Variants in WDR17 observed in about 807,000 individuals in gnomAD.
WDR17 encodes WD repeat-containing protein 17.
A neutral mutation model predicts 161.7 loss-of-function variants in WDR17; 143 were observed. The ratio of observed to expected loss-of-function variants is 0.88; its 90% CI spans 0.77 to 1.02. The LOEUF (loss-of-function observed/expected upper bound fraction) is 1.02. Among genes scored for constraint, WDR17 ranks in the 50% least tolerant of loss-of-function variants. The pLI, the probability that WDR17 is intolerant of heterozygous loss-of-function variation, is 0.00. For synonymous variants in WDR17, 517 were observed against 515.6 expected (o/e 1.00, Z -0.04); for missense variants, 1,469 against 1,520.9 (o/e 0.97, Z 0.57).
chr4:176,078,974 C>T (rs866293657), intron 1 of WDR17, among the ~76,000 whole-genome samples: 16 of 151,882 alleles, frequency 1.1e-4, no homozygotes, highest in African/African-American at 3.6e-4. Flanking sequence ...GATCTTATTC[C>T]TTCTATATAG....
At chr4:176,152,503 G>A (rs1410455991) in intron 17 of WDR17, among the ~76,000 whole-genome samples, 1 of 146,140 alleles carries the variant, frequency 6.8e-6, no homozygotes, top group Non-Finnish European at 1.5e-5. Context: ...CTACTTGGGA[G>A]GCTGAGGCAG....
intron 18 of WDR17, among the ~76,000 whole-genome samples, chr4:176,157,879 T>C (rs145001367): frequency 4.3e-4 from 66 of 152,238 alleles, no homozygotes; most frequent in African/African-American, 1.4e-3. Context: ...TGAACTGAGC[T>C]ATAAAGAATA....
intron 1 of WDR17, among the ~76,000 whole-genome samples, chr4:176,088,523 G>A (rs2126618259): frequency 6.6e-6 from 1 of 152,282 alleles, no homozygotes; most frequent in East Asian, 1.9e-4. Flanking sequence ...TCTGATCAAA[G>A]TATGAAATAC....
intron 1 of WDR17, among the ~76,000 whole-genome samples, chr4:176,097,666 A>G (rs1474739351): frequency 6.6e-6 from 1 of 151,426 alleles, no homozygotes; most frequent in Non-Finnish European, 1.5e-5. Flanking sequence ...TTCAGGTATA[A>G]ATGATGGAAA....
chr4:176,115,835 A>T lies in WDR17; in HGVS notation c.163A>T (p.Met55Leu), dbSNP rs370495559. Residue 55 changes from methionine (M) to leucine (L), a missense_variant, in exon 3 of 29, where the codon ATG becomes TTG. Met to Leu is a conservative substitution (Grantham distance 15). Coordinates refer to ENST00000508596, the MANE Select transcript of WDR17 (RefSeq NM_181265.4). ...TAATGAATTCAAACTTCACGCAATT[A>T]TGTCTGAACATAAAAAAACAATCAC... ...RYNEFKLHAIMSEHKKTITAI... is the reference protein window; with the variant it reads ...RYNEFKLHAILSEHKKTITAI... 6 of 1,609,978 alleles carry T rather than the reference A, an allele frequency of 3.7e-6. No homozygotes were observed. Among genetic ancestry groups the T allele is most frequent in the Non-Finnish European group, 5.1e-6 (6 of 1,177,760 alleles).
At chr4:176,130,744 CAAAA>C (rs1241265294) in intron 6 of WDR17, among the ~76,000 whole-genome samples, 1 of 71,910 alleles carries the variant, frequency 1.4e-5, no homozygotes. Flanking sequence ...GACTCCGTCT[CAAAA>C]AAAAAAAAAA....
At chr4:176,177,382 T>C in intron 27 of WDR17, 89 bp from the exon 28 acceptor site, 1 of 1,270,218 alleles carries the variant, frequency 7.9e-7, no homozygotes, top group Non-Finnish European at 1.1e-6. Context: ...AAAGGGGAAC[T>C]AAATAATCAT....
At chr4:176,139,155 T>C (rs1454478933) in intron 9 of WDR17, among the ~76,000 whole-genome samples, 1 of 151,900 alleles carries the variant, frequency 6.6e-6, no homozygotes, top group African/African-American at 2.4e-5. Context: ...AGATAAAAAG[T>C]CACTTTAGTT....
chr4:176,151,926 C>G lies in WDR17; in HGVS notation c.2419C>G (p.Gln807Glu), dbSNP rs1173963252. ...EAAEIHLRLGQIQRYCELMVE... is the reference protein window; with the variant it reads ...EAAEIHLRLGEIQRYCELMVE... Reference sequence around the variant, plus strand: ...TGCTGAAATCCACTTGAGATTAGGACAAATTCAGAGATACTGTGAACTTAT... The same window carrying G: ...TGCTGAAATCCACTTGAGATTAGGAGAAATTCAGAGATACTGTGAACTTAT... The change falls in exon 17 of 29, where the codon CAA becomes GAA. Residue 807 changes from glutamine to glutamate, a missense_variant. By Grantham distance (29) the Gln-to-Glu change is conservative. Transcript: ENST00000508596. 2 of 1,613,036 alleles carry G rather than the reference C, an allele frequency of 1.2e-6. No individual in the cohort carries two copies. The highest frequency in any genetic ancestry group is 1.1e-5 in the South Asian group (1 of 90,756).
chr4:176,145,899 A>C, intron 11 of WDR17, 96 bp from the exon 12 acceptor site: 2 of 1,194,848 alleles, frequency 1.7e-6, no homozygotes, highest in Non-Finnish European at 2.2e-6. Flanking sequence ...AGGAAGCAAA[A>C]ATTCTACTTT....
intron 1 of WDR17, among the ~76,000 whole-genome samples, chr4:176,077,155 ATTTTTTTTTTTT>A (rs66817611): frequency 3.1e-4 from 39 of 125,414 alleles, no homozygotes; most frequent in African/African-American, 3.4e-4. Context: ...TTTTCTCCCA[ATTTTTTTTTTTT>A]TTTTTTTTTT....
rs774612100 is a variant in WDR17 at position 176,162,087 on chromosome 4, A to G, written c.2763A>G (p.Lys921=). The change falls in exon 21 of 29, where the codon AAA becomes AAG. Residue 921 remains lysine, a synonymous_variant. Coordinates refer to ENST00000508596, the MANE Select transcript of WDR17 (RefSeq NM_181265.4). The part of the protein sequence containing the change: ...YKEDFNELLH[K]VSKELAEWYF... ...TTTTTCTTTCTAGACTCCTGCACAA[A>G]GTCAGTAAAGAACTGGCAGAATGGT... The G allele has an allele frequency of 6.2e-7, 1 of 1,612,480 alleles. No individual in the cohort carries two copies. Among genetic ancestry groups the G allele is most frequent in the Admixed American group, 1.7e-5 (1 of 59,808 alleles).
chr4:176,123,022 A>T (rs1276234578), intron 4 of WDR17, among the ~76,000 whole-genome samples: 2 of 152,176 alleles, frequency 1.3e-5, no homozygotes, highest in Non-Finnish European at 2.9e-5. Flanking sequence ...TGAACAGAAG[A>T]TTCCAGGGCA....
At chr4:176,093,084 C>T (rs1579025365) in intron 1 of WDR17, among the ~76,000 whole-genome samples, 1 of 151,738 alleles carries the variant, frequency 6.6e-6, no homozygotes, top group African/African-American at 2.4e-5. Flanking sequence ...AGAATGTAGT[C>T]CCATTAATAA....
At chr4:176,083,906 T>C (rs2126602610) in intron 1 of WDR17, among the ~76,000 whole-genome samples, 1 of 152,280 alleles carries the variant, frequency 6.6e-6, no homozygotes, top group South Asian at 2.1e-4. Flanking sequence ...ACTTTGTATT[T>C]CCCTTATGAC....
chr4:176,141,886 G>C, intron 10 of WDR17, 97 bp from the exon 11 acceptor site: 1 of 970,150 alleles, frequency 1.0e-6, no homozygotes, highest in Middle Eastern at 3.5e-4. Context: ...CTCTATCCTG[G>C]AATATTTCTA....
intron 1 of WDR17, among the ~76,000 whole-genome samples, chr4:176,079,567 T>C (rs1375929991): frequency 6.6e-6 from 1 of 152,166 alleles, no homozygotes; most frequent in African/African-American, 2.4e-5. Context: ...TCAAATGGAA[T>C]GTCTCTATCA....
In WDR17 at chr4:176,156,065, G is replaced by A; in HGVS notation, c.2461-14G>A. ...AAATTAATATGCTCCTGCCCTTTTT[G>A]CCTTCTATTGTAGTGGGACAAAGCC... On this transcript the variant is annotated splice_polypyrimidine_tract_variant and intron_variant, in intron 17 of 28. Transcript: ENST00000508596. 1 of 1,607,944 alleles carries A rather than the reference G, an allele frequency of 6.2e-7. No individual in the cohort carries two copies. Among genetic ancestry groups the A allele is most frequent in the Non-Finnish European group, 8.5e-7 (1 of 1,178,080 alleles).
chr4:176,157,236 A>G (rs746519606), intron 18 of WDR17, among the ~76,000 whole-genome samples: 4 of 152,162 alleles, frequency 2.6e-5, no homozygotes, highest in Non-Finnish European at 5.9e-5. Context: ...AATCTTATAG[A>G]GTACTATATA....
Sources: gnomAD v4.1 joint callset for allele counts (sites outside exome capture counted in the v4.1 genomes callset) on GRCh38, gnomAD v4.1.1 for gene constraint, MANE v1.5 for transcripts, NCBI Gene and HGNC (gene_info 2026-07-23, HGNC 2026-07-21) for gene names.